Variants in NFASC observed in about 807,000 individuals in gnomAD.
NFASC encodes the protein neurofascin homolog.
In NFASC, 43 loss-of-function variants were observed where a neutral mutation model predicts 147.5. The ratio of observed to expected loss-of-function variants is 0.29; its 90% CI spans 0.23 to 0.38. NFASC has a LOEUF of 0.38. NFASC is among the 10% of genes least tolerant of loss of function. The pLI is 1.00. For synonymous variants in NFASC, 622 were observed against 665.5 expected, an observed-to-expected ratio of 0.93 and a Z score of 1.01; for missense variants, 1,320 against 1,689.0, an observed-to-expected ratio of 0.78 and a Z score of 3.83.
At chr1:204,997,861 G>A (rs528052285) in intron 25 of NFASC, 25 of 214,536 alleles carry the variant, frequency 1.2e-4, no homozygotes, top group East Asian at 7.2e-4. Flanking sequence ...CCCTGGCCAC[G>A]TCTGCGTCCG....
At chr1:204,837,855 A>T (rs1445846164) in intron 1 of NFASC, among the ~76,000 whole-genome samples, 1 of 152,150 alleles carries the variant, frequency 6.6e-6, no homozygotes, top group Non-Finnish European at 1.5e-5. Context: ...CTTGTGATGA[A>T]AGCAAAAGTG....
chr1:204,991,378 G>A lies in NFASC; in HGVS notation c.2782+72G>A, dbSNP rs546272272. Reference sequence around the variant, plus strand: ...AGGCGGAGCCCAGCCCAGCCAGGGCGGACAAGGAGGGAGAGGCTCAGGCTG... The same window carrying A: ...AGGCGGAGCCCAGCCCAGCCAGGGCAGACAAGGAGGGAGAGGCTCAGGCTG... On this transcript the variant is annotated intron_variant, in intron 24 of 29. Transcript: ENST00000339876. 255 of 1,490,260 alleles carry A rather than the reference G, an allele frequency of 1.7e-4. 1 individual carries two copies. The highest frequency in any genetic ancestry group is 1.6e-3 in the African/African-American group (119 of 72,592). 92.3% of individuals were successfully genotyped at this position (1,490,260 alleles called of 1,614,324 possible).
intron 5 of NFASC, among the ~76,000 whole-genome samples, chr1:204,953,181 G>C (rs80263765): frequency 6.6e-6 from 1 of 152,260 alleles, no homozygotes; most frequent in Non-Finnish European, 1.5e-5. Flanking sequence ...AGGATGTGAG[G>C]CCTTGGCTGC....
intron 1 of NFASC, among the ~76,000 whole-genome samples, chr1:204,881,637 A>T (rs1242024052): frequency 3.3e-5 from 5 of 152,092 alleles, no homozygotes; most frequent in Non-Finnish European, 5.9e-5. Context: ...GATGGGGGGA[A>T]CCACGGGTTC....
At chr1:204,868,492 A>G (rs1204933601) in intron 1 of NFASC, among the ~76,000 whole-genome samples, 1 of 152,068 alleles carries the variant, frequency 6.6e-6, no homozygotes, top group East Asian at 1.9e-4. Flanking sequence ...AATGTGACCC[A>G]CATTCAGGCC....
chr1:204,946,787 A>G (rs1448534588), intron 3 of NFASC: 2 of 514,304 alleles, frequency 3.9e-6, no homozygotes, highest in East Asian at 5.5e-5. Flanking sequence ...GGCCCCCACC[A>G]TCCCTGGGCT....
intron 1 of NFASC, among the ~76,000 whole-genome samples, chr1:204,833,796 C>A (rs1672922526): frequency 6.6e-6 from 1 of 152,188 alleles, no homozygotes. Context: ...AGAAACCATT[C>A]AGCCTTTGCA....
intron 1 of NFASC, among the ~76,000 whole-genome samples, chr1:204,850,108 C>G (rs376974333): frequency 1.3e-5 from 2 of 152,146 alleles, no homozygotes; most frequent in African/African-American, 2.4e-5. Flanking sequence ...AATCCTTGCT[C>G]TGCTCTGACT....
intron 1 of NFASC, among the ~76,000 whole-genome samples, chr1:204,886,405 G>A (rs1427520756): frequency 6.6e-6 from 1 of 152,018 alleles, no homozygotes; most frequent in Non-Finnish European, 1.5e-5. Flanking sequence ...GTGTTTTTAT[G>A]TGTCTGGCTG....
chr1:204,880,791 C>T (rs11240304), intron 1 of NFASC, among the ~76,000 whole-genome samples: 20,538 of 152,096 alleles, frequency 0.14, 2,645 homozygotes, highest in East Asian at 0.69. Context: ...CCAGGTGTTT[C>T]AAAAGCAAAA....
chr1:204,880,221 C>CTTTAG (rs2079887658), intron 1 of NFASC, among the ~76,000 whole-genome samples: 1 of 152,096 alleles, frequency 6.6e-6, no homozygotes, highest in Non-Finnish European at 1.5e-5. Context: ...GCTCTACCTG[C>CTTTAG]GTGAGCTAAG....
At chr1:204,980,761 G>A (rs181659629) in intron 20 of NFASC, among the ~76,000 whole-genome samples, 108 of 152,216 alleles carry the variant, frequency 7.1e-4, no homozygotes, top group African/African-American at 2.6e-3. Context: ...GAGGGACTGG[G>A]GTTAGACTTT....
At chr1:205,009,233 T>C (rs2096202626) in intron 27 of NFASC, 2 of 432,212 alleles carry the variant, frequency 4.6e-6, no homozygotes, top group Admixed American at 3.2e-5. Context: ...CCCATTAGGC[T>C]GTGACCAGCC....
intron 1 of NFASC, among the ~76,000 whole-genome samples, chr1:204,843,618 TCCTTCCTTCCTCCCTC>T (rs1202245394): frequency 1.4e-3 from 117 of 82,800 alleles, no homozygotes; most frequent in African/African-American, 6.5e-3. Flanking sequence ...CTTCCTTCCT[TCCTTCCTTCCTCCCTC>T]CCTCCCTCCC....
At chr1:204,981,684 G>T in intron 20 of NFASC, 114 bp from the exon 21 acceptor site, 1 of 625,710 alleles carries the variant, frequency 1.6e-6, no homozygotes. Context: ...AAGGGGGCAG[G>T]CCAGTGTTGG....
At chr1:205,006,873 G>A (rs1461436530) in intron 27 of NFASC, among the ~76,000 whole-genome samples, 1 of 152,206 alleles carries the variant, frequency 6.6e-6, no homozygotes, top group African/African-American at 2.4e-5. Context: ...GAGAGCTGTA[G>A]GAGGAGGCTC....
At position 204,846,952 on chromosome 1, in the gene NFASC, C is replaced by CGTGTGTGTGTCTGTGT. The variant is rs1034512647; in HGVS notation, c.-200+18180_-200+18181insCTGTGTGTGTGTGTGT. On this transcript the variant is annotated intron_variant, in intron 1 of 29. Transcript: ENST00000339876. The stretch of plus-strand genomic sequence containing the variant: ...AGACTGCTGCCTGTGTGTGTGTACG[C>CGTGTGTGTGTCTGTGT]GTGTGTGTGTGTGTGTGTGTGTGTG... Among the ~76,000 whole-genome samples, 471 of 124,644 alleles carry CGTGTGTGTGTCTGTGT rather than the reference C, an allele frequency of 3.8e-3. 3 individuals are homozygous for CGTGTGTGTGTCTGTGT. Among genetic ancestry groups the CGTGTGTGTGTCTGTGT allele is most frequent in the African/African-American group, 0.012 (393 of 32,312 alleles). The allele number at this position is 124,644 out of a possible 152,430, so 81.8% of individuals were successfully genotyped here. A position where few individuals can be genotyped will look rare whatever the true frequency, so the allele number is the denominator to read the frequency against.
intron 1 of NFASC, among the ~76,000 whole-genome samples, chr1:204,885,471 A>G (rs1472019441): frequency 6.6e-6 from 1 of 152,088 alleles, no homozygotes; most frequent in Non-Finnish European, 1.5e-5. Flanking sequence ...AGAATTTTCC[A>G]CCCTCTTTGC....
chr1:204,960,301 T>A (rs1472883449), intron 8 of NFASC, among the ~76,000 whole-genome samples: 2 of 152,200 alleles, frequency 1.3e-5, no homozygotes, highest in Non-Finnish European at 2.9e-5. Context: ...AAATACTGGG[T>A]AATCTGAAAT....
Sources: gnomAD v4.1 joint callset for allele counts (sites outside exome capture counted in the v4.1 genomes callset) on GRCh38, gnomAD v4.1.1 for gene constraint, MANE v1.5 for transcripts, NCBI Gene and HGNC (gene_info 2026-07-23, HGNC 2026-07-21) for gene names.